The following KHDRBS3 variants were observed in gnomAD, a reference collection of about 807,000 sequenced individuals.
KHDRBS3 encodes KH RNA binding domain containing, signal transduction associated 3, also known as KH domain-containing, RNA-binding, signal transduction-associated protein 3.
A neutral mutation model predicts 45.6 loss-of-function variants in KHDRBS3; 23 were observed. That is an observed-to-expected ratio of 0.50 (90% CI 0.36 to 0.72). KHDRBS3 has a LOEUF of 0.72. KHDRBS3 is among the 30% of genes least tolerant of loss of function. KHDRBS3 has a pLI of 0.00. For missense variants in KHDRBS3, 352 were observed against 424.8 expected, an observed-to-expected ratio of 0.83 and a Z score of 1.51; for synonymous variants, 162 against 156.5, an observed-to-expected ratio of 1.04 and a Z score of -0.26.
intron 5 of KHDRBS3, among the ~76,000 whole-genome samples, chr8:135,575,799 A>G (rs190599975): frequency 5.3e-5 from 8 of 152,324 alleles, no homozygotes; most frequent in African/African-American, 1.9e-4. Flanking sequence ...ATTTCAGTTT[A>G]TGAACCAATA....
intron 7 of KHDRBS3, chr8:135,626,069 GAATAGATTGTATGACAACAAA>G: frequency 3.7e-6 from 2 of 545,606 alleles, no homozygotes; most frequent in Non-Finnish European, 6.6e-6. Context: ...AATGTTTGCT[GAATAGATTGTATGACAACAAA>G]AATAAGGACT....
chr8:135,498,790 C>T (rs1335342248), intron 1 of KHDRBS3, among the ~76,000 whole-genome samples: 4 of 152,042 alleles, frequency 2.6e-5, no homozygotes, highest in South Asian at 4.2e-4. Flanking sequence ...CTCTGAAATA[C>T]GGAGGGTGCA....
chr8:135,487,697 A>G (rs889324482), intron 1 of KHDRBS3, among the ~76,000 whole-genome samples: 3 of 152,202 alleles, frequency 2.0e-5, no homozygotes, highest in African/African-American at 7.2e-5. Context: ...ATAATAGCAC[A>G]TACAAAGTCC....
At chr8:135,623,602 T>G (rs181683561) in intron 7 of KHDRBS3, among the ~76,000 whole-genome samples, 4 of 152,134 alleles carry the variant, frequency 2.6e-5, no homozygotes, top group South Asian at 4.2e-4. Context: ...ATACAGAATT[T>G]TATTGAGAAA....
At chr8:135,545,860 A>C (rs936301937) in intron 3 of KHDRBS3, among the ~76,000 whole-genome samples, 1 of 152,206 alleles carries the variant, frequency 6.6e-6, no homozygotes, top group Admixed American at 6.5e-5. Context: ...GATACTGGCC[A>C]GTCATGGTGG....
intron 1 of KHDRBS3, 106 bp downstream of exon 1, chr8:135,458,060 G>T: frequency 7.1e-7 from 1 of 1,410,490 alleles, no homozygotes; most frequent in Non-Finnish European, 9.2e-7. Flanking sequence ...CGGACGCGGC[G>T]GAGACGGAGG....
intron 6 of KHDRBS3, among the ~76,000 whole-genome samples, chr8:135,592,310 A>AG (rs1307275705): frequency 2.0e-5 from 3 of 151,996 alleles, no homozygotes. Context: ...GGAAGTGGAA[A>AG]GCTCTAAAAT....
At chr8:135,632,083 C>T (rs143338943) in intron 7 of KHDRBS3, among the ~76,000 whole-genome samples, 1 of 152,212 alleles carries the variant, frequency 6.6e-6, no homozygotes, top group Admixed American at 6.5e-5. Context: ...CACACACTTC[C>T]TCTACAAAAC....
chr8:135,479,474 C>T (rs575093731), intron 1 of KHDRBS3, among the ~76,000 whole-genome samples: 7 of 152,166 alleles, frequency 4.6e-5, no homozygotes, highest in East Asian at 1.9e-4. Flanking sequence ...TTTCTTAGAC[C>T]GAGTAATTCA....
intron 2 of KHDRBS3, chr8:135,539,152 A>G (rs766014428): frequency 1.9e-4 from 29 of 152,274 alleles, no homozygotes; most frequent in Non-Finnish European, 4.1e-4. Context: ...GATGCCTGAC[A>G]TAGGCCTTTG....
chr8:135,495,510 G>A (rs950950403), intron 1 of KHDRBS3, among the ~76,000 whole-genome samples: 16 of 152,192 alleles, frequency 1.1e-4, no homozygotes, highest in African/African-American at 3.4e-4. Flanking sequence ...ATTATATCAG[G>A]CAGAACATGA....
At chr8:135,545,281 G>C (rs538789820) in intron 3 of KHDRBS3, among the ~76,000 whole-genome samples, 1 of 152,206 alleles carries the variant, frequency 6.6e-6, no homozygotes, top group East Asian at 1.9e-4. Flanking sequence ...AGGAGGAGGA[G>C]TAGTGAAGCA....
At chr8:135,507,696 A>C (rs1269697422) in intron 1 of KHDRBS3, among the ~76,000 whole-genome samples, 1 of 152,216 alleles carries the variant, frequency 6.6e-6, no homozygotes, top group Non-Finnish European at 1.5e-5. Context: ...AGCAATATGT[A>C]AAATGTGACT....
At chr8:135,597,420 C>T (rs1315373828) in intron 6 of KHDRBS3, among the ~76,000 whole-genome samples, 1 of 152,130 alleles carries the variant, frequency 6.6e-6, no homozygotes, top group African/African-American at 2.4e-5. Flanking sequence ...TTTATGCTTG[C>T]TGTTCATTCT....
chr8:135,607,246 A>T (rs1195189969), intron 7 of KHDRBS3, among the ~76,000 whole-genome samples: 1 of 152,232 alleles, frequency 6.6e-6, no homozygotes, highest in Admixed American at 6.5e-5. Flanking sequence ...AAATCAGGGA[A>T]ATAAAAACTG....
intron 1 of KHDRBS3, among the ~76,000 whole-genome samples, chr8:135,509,156 A>G (rs1001351569): frequency 6.6e-6 from 1 of 152,232 alleles, no homozygotes; most frequent in Non-Finnish European, 1.5e-5. Context: ...GGGTCATTAA[A>G]TGAATACAAT....
chr8:135,598,697 A>G (rs1563796153), intron 6 of KHDRBS3, among the ~76,000 whole-genome samples: 1 of 152,218 alleles, frequency 6.6e-6, no homozygotes, highest in Non-Finnish European at 1.5e-5. Context: ...TGAGTCTCAG[A>G]GGTGACACTG....
At chr8:135,501,962 T>G (rs1472655025) in intron 1 of KHDRBS3, among the ~76,000 whole-genome samples, 1 of 152,226 alleles carries the variant, frequency 6.6e-6, no homozygotes, top group Non-Finnish European at 1.5e-5. Context: ...TTTAATTTGC[T>G]TCACTCTGCT....
intron 1 of KHDRBS3, among the ~76,000 whole-genome samples, chr8:135,462,946 C>G (rs2130104200): frequency 6.6e-6 from 1 of 152,300 alleles, no homozygotes; most frequent in Non-Finnish European, 1.5e-5. Flanking sequence ...TGTTTTTCCT[C>G]TAGCCTGTGC....
Sources: gnomAD v4.1 joint callset for allele counts (sites outside exome capture counted in the v4.1 genomes callset) on GRCh38, gnomAD v4.1.1 for gene constraint, MANE v1.5 for transcripts, NCBI Gene and HGNC (gene_info 2026-07-23, HGNC 2026-07-21) for gene names.